PI4K2A: variants seen among roughly 807,000 people sequenced by gnomAD.
PI4K2A encodes phosphatidylinositol 4-kinase type 2 alpha.
Under a neutral mutation model 55.0 loss-of-function variants are expected in PI4K2A, and 20 were observed. The ratio of observed to expected loss-of-function variants is 0.36; its 90% CI spans 0.26 to 0.53. The LOEUF (loss-of-function observed/expected upper bound fraction) is 0.53. Ranked by LOEUF, PI4K2A falls within the 20% of genes least tolerant of loss-of-function variation. The pLI, the probability that PI4K2A is intolerant of heterozygous loss-of-function variation, is 0.91. For synonymous variants in PI4K2A, 235 were observed against 258.5 expected (o/e 0.91, Z 0.87); for missense variants, 463 against 637.1 (o/e 0.73, Z 2.94).
chr10:97,642,228 A>G (rs1326246931), intron 1 of PI4K2A, among the ~76,000 whole-genome samples: 2 of 151,978 alleles, frequency 1.3e-5, no homozygotes, highest in Admixed American at 6.5e-5. Context: ...TGTTACTTGT[A>G]GCTCTTGGTT....
At chr10:97,659,785 G>C (rs2041571757) in intron 4 of PI4K2A, among the ~76,000 whole-genome samples, 1 of 151,984 alleles carries the variant, frequency 6.6e-6, no homozygotes, top group South Asian at 2.1e-4. Context: ...ACAATTTACT[G>C]TCCAGGCTTT....
intron 8 of PI4K2A, among the ~76,000 whole-genome samples, chr10:97,672,735 T>TTTG (rs1358752835): frequency 1.5e-5 from 2 of 136,972 alleles, no homozygotes; most frequent in Non-Finnish European, 3.1e-5. Context: ...CTTTTTTTTT[T>TTTG]TTTTTTTTTT....
At chr10:97,659,068 T>A (rs923117226) in intron 4 of PI4K2A, among the ~76,000 whole-genome samples, 7 of 152,250 alleles carry the variant, frequency 4.6e-5, no homozygotes, top group African/African-American at 1.4e-4. Flanking sequence ...AGAGTTATGC[T>A]CTATTGTCCA....
intron 1 of PI4K2A, among the ~76,000 whole-genome samples, chr10:97,643,585 A>C (rs575169260): frequency 6.6e-5 from 10 of 152,258 alleles, no homozygotes; most frequent in Non-Finnish European, 1.0e-4. Context: ...TCCAGTCTCT[A>C]AAATTTCCTG....
At chr10:97,652,811 C>T (rs2041535714) in intron 2 of PI4K2A, among the ~76,000 whole-genome samples, 1 of 152,240 alleles carries the variant, frequency 6.6e-6, no homozygotes, top group African/African-American at 2.4e-5. Flanking sequence ...CTCTCTCATT[C>T]TCAGCACCTA....
At chr10:97,662,875 T>A in intron 4 of PI4K2A, 32 bp from the exon 5 acceptor site, 1 of 1,507,224 alleles carries the variant, frequency 6.6e-7, no homozygotes, top group South Asian at 1.1e-5. Context: ...TCATCCCCCC[T>A]TTTTCTGCTA....
At chr10:97,653,748 C>T (rs957144689) in intron 2 of PI4K2A, among the ~76,000 whole-genome samples, 3 of 152,212 alleles carry the variant, frequency 2.0e-5, no homozygotes, top group Non-Finnish European at 4.4e-5. Context: ...GAAACCCTGT[C>T]TCTACTAAAA....
intron 2 of PI4K2A, among the ~76,000 whole-genome samples, chr10:97,653,453 A>C (rs779618214): frequency 6.6e-6 from 1 of 152,256 alleles, no homozygotes; most frequent in Non-Finnish European, 1.5e-5. Context: ...AGTGCCAGGC[A>C]CAACGTAAAC....
At chr10:97,672,078 C>G (rs2041638028) in intron 8 of PI4K2A, among the ~76,000 whole-genome samples, 1 of 151,144 alleles carries the variant, frequency 6.6e-6, no homozygotes, top group Admixed American at 6.6e-5. Context: ...GAGTCTCGCT[C>G]TCTTGCCAGG....
At chr10:97,660,203 G>T (rs201119888) in intron 4 of PI4K2A, among the ~76,000 whole-genome samples, 1 of 148,456 alleles carries the variant, frequency 6.7e-6, no homozygotes, top group East Asian at 2.0e-4. Context: ...GGGTTTCACC[G>T]TGTTAGCCAG....
chr10:97,667,365 A>G (rs2041615032), intron 8 of PI4K2A, among the ~76,000 whole-genome samples: 1 of 151,872 alleles, frequency 6.6e-6, no homozygotes, highest in Non-Finnish European at 1.5e-5. Flanking sequence ...GCATGTCACA[A>G]CGCCCGGCTA....
intron 8 of PI4K2A, among the ~76,000 whole-genome samples, chr10:97,669,706 A>T (rs1399898095): frequency 2.0e-5 from 3 of 152,224 alleles, no homozygotes; most frequent in Non-Finnish European, 2.9e-5. Flanking sequence ...AGCACAGAGA[A>T]AAGAGGTCAT....
Position 97,656,768 on chromosome 10 carries a change from T to C in PI4K2A, c.769-53T>C. 1.3e-6 allele frequency: 2 copies of C among 1,552,458 alleles called. No homozygotes were observed. Among genetic ancestry groups the C allele is most frequent in the Middle Eastern group, 1.7e-4 (1 of 5,930 alleles). On this transcript the variant is annotated intron_variant, in intron 3 of 8. Transcript: ENST00000370631. This position sits in a 1 kb window ranked among gnomAD's most constrained non-coding sequence, Gnocchi z 4.5. ...GGGTATCTGGCATATACTCCAAAGGTCTTTGGATTTGGGCAGTAGGGAAAA... is the reference window on the plus strand; with the variant it reads ...GGGTATCTGGCATATACTCCAAAGGCCTTTGGATTTGGGCAGTAGGGAAAA...
chr10:97,667,461 C>T (rs1384851620), intron 8 of PI4K2A, among the ~76,000 whole-genome samples: 1 of 152,182 alleles, frequency 6.6e-6, no homozygotes, highest in Non-Finnish European at 1.5e-5. Context: ...GCACCTGCCT[C>T]TGCCTCCCAG....
At chr10:97,647,362 G>A (rs1178408498) in intron 1 of PI4K2A, among the ~76,000 whole-genome samples, 1 of 152,206 alleles carries the variant, frequency 6.6e-6, no homozygotes, top group Admixed American at 6.5e-5. Flanking sequence ...AGAGTGGATG[G>A]TGAGGAAAAA....
intron 1 of PI4K2A, among the ~76,000 whole-genome samples, chr10:97,650,557 C>T (rs2041526265): frequency 6.6e-6 from 1 of 152,182 alleles, no homozygotes; most frequent in South Asian, 2.1e-4. Context: ...GCTGGGATTA[C>T]AGGCATGAAC....
chr10:97,657,925 T>C (rs2041563163), intron 4 of PI4K2A, among the ~76,000 whole-genome samples: 1 of 152,098 alleles, frequency 6.6e-6, no homozygotes, highest in Non-Finnish European at 1.5e-5. Context: ...AACCCCTGCC[T>C]CCTGGGTTCA....
chr10:97,654,847 T>C (rs1340708304), intron 2 of PI4K2A, among the ~76,000 whole-genome samples: 1 of 152,094 alleles, frequency 6.6e-6, no homozygotes, highest in Non-Finnish European at 1.5e-5. Context: ...AAAATTTTTT[T>C]TAGAATAAGT....
rs71007356 is a variant in PI4K2A at position 97,650,278 on chromosome 10, C to CTTTT, written c.436-650_436-647dup. 1.1e-3 allele frequency among the ~76,000 whole-genome samples: 123 copies of CTTTT among 108,112 alleles called. 6 individuals are homozygous for CTTTT. The highest frequency in any genetic ancestry group is 1.9e-3 in the Non-Finnish European group (109 of 56,954). 70.9% of individuals were successfully genotyped at this position (108,112 alleles called of 152,430 possible). A position where few individuals can be genotyped will look rare whatever the true frequency, so the allele number is the denominator to read the frequency against. ...TCTACCACTGAATTGGCTTCTGTAC[C>CTTTT]TTTTTTTTTTTTTTTTGTGAGACAG... On this transcript the variant is annotated intron_variant, in intron 1 of 8. Coordinates refer to ENST00000370631, the Ensembl canonical transcript of PI4K2A.
Sources: gnomAD v4.1 joint callset for allele counts (sites outside exome capture counted in the v4.1 genomes callset) on GRCh38, gnomAD v4.1.1 for gene constraint, Gnocchi (gnomAD v3.1) non-coding constraint, MANE v1.5 for transcripts, NCBI Gene and HGNC (gene_info 2026-07-23, HGNC 2026-07-21) for gene names.